The following GFM1 variants were observed in gnomAD, a reference collection of about 807,000 sequenced individuals.
GFM1 encodes the protein G elongation factor mitochondrial 1.
GFM1 carries 62 observed loss-of-function variants against 96.2 expected under a neutral mutation model. The observed-to-expected ratio is 0.64, with a 90% CI of 0.53 to 0.80. The LOEUF is 0.80. Among genes scored for constraint, GFM1 ranks in the 30% least tolerant of loss-of-function variants. GFM1 has a pLI of 0.00. For synonymous variants in GFM1, 282 were observed against 312.9 expected (o/e 0.90, Z 1.04); for missense variants, 852 against 916.6 (o/e 0.93, Z 0.91).
chr3:158,644,584 A>C lies in GFM1; in HGVS notation c.-51A>C. 1.4e-6 allele frequency: 2 copies of C among 1,476,852 alleles called. No individual in the cohort carries two copies. The highest frequency in any genetic ancestry group is 1.8e-6 in the Non-Finnish European group (2 of 1,081,374). 91.5% of individuals were successfully genotyped at this position (1,476,852 alleles called of 1,614,324 possible). On this transcript the variant is annotated 5_prime_UTR_variant, in exon 1 of 18. Coordinates refer to ENST00000486715, the MANE Select transcript of GFM1 (RefSeq NM_024996.7). ...GACCGCTTCCCGGTGCGTTACCGGCAGCTGAACCCACCCGGCGCCACGGGA... is the reference window on the plus strand; with the variant it reads ...GACCGCTTCCCGGTGCGTTACCGGCCGCTGAACCCACCCGGCGCCACGGGA...
chr3:158,673,508 CTTT>C (rs766011688), intron 13 of GFM1, among the ~76,000 whole-genome samples: 3 of 114,256 alleles, frequency 2.6e-5, no homozygotes, highest in East Asian at 2.4e-4. Flanking sequence ...CTTTTCTTTT[CTTT>C]TTTTTTTTTT....
intron 13 of GFM1, among the ~76,000 whole-genome samples, chr3:158,672,099 G>C (rs191301816): frequency 1.3e-5 from 2 of 152,244 alleles, no homozygotes; most frequent in Admixed American, 6.5e-5. Context: ...CCGTTTTCTT[G>C]TAACTGTGTG....
At chr3:158,656,964 C>T (rs1420149207) in intron 8 of GFM1, 3 of 152,158 alleles carry the variant, frequency 2.0e-5, no homozygotes, top group South Asian at 2.1e-4. Context: ...TAGAATCAGC[C>T]GTTCTCCAAG....
At chr3:158,677,859 C>A (rs186270271) in intron 13 of GFM1, among the ~76,000 whole-genome samples, 1 of 152,224 alleles carries the variant, frequency 6.6e-6, no homozygotes, top group Admixed American at 6.5e-5. Flanking sequence ...AAGATGCCAT[C>A]TGTGACTTTC....
At position 158,691,952 on chromosome 3, in the gene GFM1, T is replaced by C. The variant is rs1343059599; in HGVS notation, c.*485T>C. ...TCATATTTGCTTTCACTGTCTATTA[T>C]CTGTTTAAGTCTCATAACTCTATTT... On this transcript the variant is annotated 3_prime_UTR_variant, in exon 18 of 18. Coordinates refer to ENST00000486715, the MANE Select transcript of GFM1 (RefSeq NM_024996.7). The C allele has an allele frequency of 6.1e-6, 1 of 164,980 alleles. No homozygotes were observed. The highest frequency in any genetic ancestry group is 1.3e-5 in the Non-Finnish European group (1 of 76,272). 10.2% of individuals were successfully genotyped at this position (164,980 alleles called of 1,614,324 possible). A position where few individuals can be genotyped will look rare whatever the true frequency, so the allele number is the denominator to read the frequency against.
In GFM1 at chr3:158,660,864, GT is replaced by G. The variant is rs1278614328; in HGVS notation, c.1222-3del. On this transcript the variant is annotated splice_polypyrimidine_tract_variant and intron_variant, in intron 9 of 17. Transcript: ENST00000486715. ...TTGCAAATATAATTTTGTGTTATTT[GT>G]TTTTTTAGGATGTTGAGGAAGTATA... The G allele has an allele frequency of 2.5e-6, 4 of 1,608,872 alleles. No homozygotes were observed. Among genetic ancestry groups the G allele is most frequent in the Non-Finnish European group, 3.4e-6 (4 of 1,175,562 alleles).
chr3:158,664,618 C>A (rs1003780313), intron 11 of GFM1, among the ~76,000 whole-genome samples: 2 of 152,166 alleles, frequency 1.3e-5, no homozygotes, highest in Non-Finnish European at 2.9e-5. Context: ...TCTGACCCCC[C>A]CTTCTAGCTT....
At position 158,644,632 on chromosome 3, in the gene GFM1, G is replaced by C. The variant is rs1172410671; in HGVS notation, c.-3G>C. On this transcript the variant is annotated 5_prime_UTR_variant, in exon 1 of 18. Transcript: ENST00000486715. The stretch of plus-strand genomic sequence containing the variant: ...GGACTTTGACGCGTGCTCTGCGCTT[G>C]CCATGAGACTCCTGGGAGCTGCAGC... 6.4e-7 allele frequency: 1 copy of C among 1,568,708 alleles called. No individual in the cohort carries two copies. The highest frequency in any genetic ancestry group is 8.6e-7 in the Non-Finnish European group (1 of 1,157,402).
intron 1 of GFM1, chr3:158,644,942 C>T (rs1180481209): frequency 2.1e-6 from 1 of 482,090 alleles, no homozygotes; most frequent in Non-Finnish European, 3.8e-6. Flanking sequence ...AAGTGTCTGT[C>T]ACTCAGATAC....
chr3:158,663,461 A>G (rs1031676781), intron 11 of GFM1, among the ~76,000 whole-genome samples: 1 of 152,212 alleles, frequency 6.6e-6, no homozygotes, highest in African/African-American at 2.4e-5. Flanking sequence ...GTGTGATAAT[A>G]TCACTAACAG....
chr3:158,644,979 G>GTT, intron 1 of GFM1: 6 of 299,698 alleles, frequency 2.0e-5, no homozygotes, highest in East Asian at 6.3e-5. Flanking sequence ...CCTTTTCTAA[G>GTT]GTTTTTTTTT....
chr3:158,652,374 ATTGGCTTCCTC>A, intron 6 of GFM1, 128 bp downstream of exon 6: 3 of 800,074 alleles, frequency 3.7e-6, no homozygotes, highest in Admixed American at 4.8e-5. Flanking sequence ...ATTTAACATA[ATTGGCTTCCTC>A]AAAAAATACT....
intron 13 of GFM1, chr3:158,666,670 C>A (rs756172594): frequency 2.5e-6 from 4 of 1,613,874 alleles, no homozygotes; most frequent in Non-Finnish European, 3.4e-6. Flanking sequence ...CTTCCTTTGG[C>A]AGACGGCTAT....
At chr3:158,691,074 G>T in intron 16 of GFM1, 65 bp from the exon 17 acceptor site, 1 of 1,069,710 alleles carries the variant, frequency 9.3e-7, no homozygotes, top group Non-Finnish European at 1.5e-6. Flanking sequence ...GCTAAAATGC[G>T]TCTGTATTTT....
chr3:158,666,893 GT>G, intron 13 of GFM1: 1 of 1,471,898 alleles, frequency 6.8e-7, no homozygotes, highest in African/African-American at 1.4e-5. Flanking sequence ...CTTAAATCTG[GT>G]GCCTATCTGG....
Position 158,666,312 on chromosome 3 carries a change from AAG to A in GFM1, c.1532_1533del (p.Glu511ValfsTer25), listed in dbSNP as rs768112611. Reference protein sequence around the residue: ...HLEIYAQRLEREYGCPCITGK... With the variant: ...HLEIYAQRLEXEYGCPCITGK... ...TTCCCCACTCTTTTTAGAGGCTGGA[AAG>A]AGAGTATGGCTGTCCTTGTATCACA... On this transcript the variant is annotated frameshift_variant, in exon 13 of 18. Coordinates refer to ENST00000486715, the MANE Select transcript of GFM1 (RefSeq NM_024996.7). LOFTEE classifies it high-confidence loss of function. 8 of 1,612,712 alleles carry A rather than the reference AAG, an allele frequency of 5.0e-6. No homozygotes were observed. The highest frequency in any genetic ancestry group is 6.8e-6 in the Non-Finnish European group (8 of 1,179,120).
intron 1 of GFM1, 121 bp downstream of exon 1, chr3:158,644,836 T>A (rs1576718813): frequency 1.2e-6 from 1 of 837,852 alleles, no homozygotes; most frequent in Non-Finnish European, 2.0e-6. Flanking sequence ...ATACTGGCAG[T>A]CGCTCGTCAG....
In GFM1 at chr3:158,652,146, C is replaced by T. The variant is rs1353937740; in HGVS notation, c.740C>T (p.Thr247Ile). 3.1e-6 allele frequency: 5 copies of T among 1,613,622 alleles called. No homozygotes were observed. In the African/African-American group the frequency reaches 5.3e-5, roughly 17 times the overall value. ...CCAGCTGAATTAAGGGCGGCGGCCA[C>T]TGACCACCGGCAGGAGCTAATTGAA... ...EIPAELRAAA[T>I]DHRQELIECV... The change falls in exon 6 of 18, where the codon ACT becomes ATT. Residue 247 changes from threonine (T) to isoleucine (I), a missense_variant. Transcript: ENST00000486715.
chr3:158,678,433 A>G (rs1725083487), intron 13 of GFM1, among the ~76,000 whole-genome samples: 2 of 152,342 alleles, frequency 1.3e-5, no homozygotes, highest in South Asian at 4.1e-4. Flanking sequence ...AGGAGGTCAA[A>G]ATAACATTAC....
Sources: gnomAD v4.1 joint callset for allele counts (sites outside exome capture counted in the v4.1 genomes callset) on GRCh38, gnomAD v4.1.1 for gene constraint, MANE v1.5 for transcripts, NCBI Gene and HGNC (gene_info 2026-07-23, HGNC 2026-07-21) for gene names.